FAM135B: variants seen among roughly 807,000 people sequenced by gnomAD.
FAM135B encodes family with sequence similarity 135 member B, also known as protein FAM135B.
FAM135B carries 43 observed loss-of-function variants against 127.7 expected under a neutral mutation model. That is an observed-to-expected ratio of 0.34 (90% CI 0.26 to 0.43). The LOEUF (loss-of-function observed/expected upper bound fraction) is 0.43. Among genes scored for constraint, FAM135B ranks in the 20% least tolerant of loss-of-function variants. FAM135B has a pLI of 1.00. For synonymous variants in FAM135B, 670 were observed against 665.1 expected (o/e 1.01, Z -0.11); for missense variants, 1,558 against 1,725.6 (o/e 0.90, Z 1.72).
rs6577901 is a variant in FAM135B, at chr8:138,243,853, C to A, written c.543-785G>T. On this transcript the variant is annotated intron_variant, in intron 6 of 19. Coordinates refer to ENST00000395297, the MANE Select transcript of FAM135B (RefSeq NM_015912.4). This position sits in a 1 kb window ranked among gnomAD's most constrained non-coding sequence, Gnocchi z 7.5. ...ATTCTTTTTTAGATCTCTTCTGTTT[C>A]ATTTCTTTTCTAATGGATGTTTTGT... Among the ~76,000 whole-genome samples the A allele has an allele frequency of 0.49, 74,803 of 151,908 alleles. 18,733 individuals are homozygous for A. Among genetic ancestry groups the A allele is most frequent in the African/African-American group, 0.54 (22,352 of 41,448 alleles).
intron 9 of FAM135B, among the ~76,000 whole-genome samples, chr8:138,184,098 T>A (rs116050655): frequency 0.034 from 5,195 of 152,246 alleles, 98 homozygotes; most frequent in Middle Eastern, 0.058. Flanking sequence ...TCCTGAGAAG[T>A]CAGCCTTTGG....
At chr8:138,166,888 G>A (rs954173539) in intron 12 of FAM135B, among the ~76,000 whole-genome samples, 8 of 151,978 alleles carry the variant, frequency 5.3e-5, no homozygotes, top group Non-Finnish European at 1.5e-5. Flanking sequence ...ATGGTAGCTC[G>A]CTGAGTGCTT....
intron 12 of FAM135B, among the ~76,000 whole-genome samples, chr8:138,162,428 A>G (rs1347366949): frequency 6.6e-6 from 1 of 152,138 alleles, no homozygotes; most frequent in Non-Finnish European, 1.5e-5. Flanking sequence ...TAAAGAAGGA[A>G]CCCTCGTGCA....
intron 1 of FAM135B, among the ~76,000 whole-genome samples, chr8:138,463,057 C>A (rs992203169): frequency 6.6e-6 from 1 of 152,080 alleles, no homozygotes; most frequent in Non-Finnish European, 1.5e-5. Flanking sequence ...GTTTATGATC[C>A]CAGTCCACCA....
intron 9 of FAM135B, among the ~76,000 whole-genome samples, chr8:138,181,973 G>A (rs192168116): frequency 1.4e-4 from 22 of 152,160 alleles, no homozygotes; most frequent in African/African-American, 4.8e-4. Flanking sequence ...GAGGGTCAGT[G>A]ACTCTTTACA....
At chr8:138,254,277 A>G (rs1339724052) in intron 5 of FAM135B, among the ~76,000 whole-genome samples, 1 of 152,206 alleles carries the variant, frequency 6.6e-6, no homozygotes, top group Non-Finnish European at 1.5e-5. Flanking sequence ...TCTCCTGTAT[A>G]AAGGCTCTCC....
chr8:138,407,586 C>T (rs565618429), intron 1 of FAM135B, among the ~76,000 whole-genome samples: 4 of 152,090 alleles, frequency 2.6e-5, no homozygotes, highest in African/African-American at 7.2e-5. Flanking sequence ...CAGAACAGAG[C>T]CCTCAGAAAT....
intron 12 of FAM135B, among the ~76,000 whole-genome samples, chr8:138,161,929 C>T (rs1243707858): frequency 6.7e-6 from 1 of 149,660 alleles, no homozygotes; most frequent in Non-Finnish European, 1.5e-5. Context: ...TCTATAGCCC[C>T]AAGGCTAGCA....
chr8:138,261,489 G>A (rs928607753), intron 4 of FAM135B, among the ~76,000 whole-genome samples: 2 of 152,060 alleles, frequency 1.3e-5, no homozygotes, highest in African/African-American at 4.8e-5. Flanking sequence ...GTGCATTTTG[G>A]TCCAATACAT....
intron 1 of FAM135B, among the ~76,000 whole-genome samples, chr8:138,436,098 C>T (rs752434099): frequency 2.0e-5 from 3 of 152,162 alleles, no homozygotes; most frequent in African/African-American, 7.2e-5. Flanking sequence ...GAGACCAGAT[C>T]CTTCACTTTT....
intron 18 of FAM135B, 150 bp downstream of exon 18, chr8:138,138,836 C>T: frequency 1.7e-6 from 1 of 581,346 alleles, no homozygotes; most frequent in Non-Finnish European, 3.1e-6. Flanking sequence ...AGCTGTTGGC[C>T]TCCCAATGAG....
intron 1 of FAM135B, among the ~76,000 whole-genome samples, chr8:138,433,403 T>C (rs1835298358): frequency 2.7e-5 from 1 of 36,954 alleles, no homozygotes; most frequent in Admixed American, 3.6e-4. Flanking sequence ...ATGCCTGTAG[T>C]CCCAGCTACT....
intron 1 of FAM135B, among the ~76,000 whole-genome samples, chr8:138,468,261 A>G (rs1837479974): frequency 6.6e-6 from 1 of 152,222 alleles, no homozygotes; most frequent in South Asian, 2.1e-4. Context: ...TTACCTAGTA[A>G]TGGAACATTT....
chr8:138,442,813 TG>T (rs1835882573), intron 1 of FAM135B, among the ~76,000 whole-genome samples: 1 of 152,108 alleles, frequency 6.6e-6, no homozygotes, highest in Admixed American at 6.6e-5. Context: ...GAAGGACTGA[TG>T]GGCTCTAGCT....
chr8:138,430,362 A>G (rs1466703256), intron 1 of FAM135B, among the ~76,000 whole-genome samples: 2 of 152,238 alleles, frequency 1.3e-5, no homozygotes, highest in African/African-American at 4.8e-5. Flanking sequence ...TTTAATATAC[A>G]TGCATAAAAT....
chr8:138,363,622 T>C (rs1202730976), intron 2 of FAM135B, among the ~76,000 whole-genome samples: 3 of 152,216 alleles, frequency 2.0e-5, no homozygotes, highest in African/African-American at 7.2e-5. Flanking sequence ...TGTTGACTGT[T>C]CGCTCAAAGC....
At chr8:138,202,497 C>G (rs1017891849) in intron 7 of FAM135B, among the ~76,000 whole-genome samples, 1 of 152,134 alleles carries the variant, frequency 6.6e-6, no homozygotes, top group Non-Finnish European at 1.5e-5. Flanking sequence ...GTGATCCTCT[C>G]TCCTCAGCCT....
At chr8:138,461,255 A>T (rs1837104789) in intron 1 of FAM135B, among the ~76,000 whole-genome samples, 1 of 152,186 alleles carries the variant, frequency 6.6e-6, no homozygotes, top group Admixed American at 6.5e-5. Flanking sequence ...CACCTGAGCC[A>T]GGAAGTGGAC....
At chr8:138,397,148 C>G (rs547944971) in intron 1 of FAM135B, among the ~76,000 whole-genome samples, 39 of 152,268 alleles carry the variant, frequency 2.6e-4, no homozygotes, top group Non-Finnish European at 2.9e-5. Context: ...GTATCACAAG[C>G]ATCTGTGAGC....
Sources: allele counts gnomAD v4.1 joint callset (sites outside exome capture counted in the v4.1 genomes callset), GRCh38; gene constraint gnomAD v4.1.1; non-coding constraint Gnocchi (gnomAD v3.1); transcripts MANE v1.5; gene names NCBI Gene and HGNC (gene_info 2026-07-23, HGNC 2026-07-21).